Variants in CRIM1 observed in about 807,000 individuals in gnomAD.
CRIM1 encodes cysteine rich transmembrane BMP regulator 1, also known as cysteine-rich motor neuron 1 protein.
In CRIM1, 32 loss-of-function variants were observed where a neutral mutation model predicts 116.4. That is an observed-to-expected ratio of 0.27 (90% CI 0.21 to 0.37). The LOEUF (loss-of-function observed/expected upper bound fraction) is 0.37, where lower values mean the gene tolerates loss of function less well. CRIM1 is among the 10% of genes least tolerant of loss of function. CRIM1 has a pLI of 1.00. For missense variants in CRIM1, 1,331 were observed against 1,354.8 expected, an observed-to-expected ratio of 0.98 and a Z score of 0.28; for synonymous variants, 590 against 509.2, an observed-to-expected ratio of 1.16 and a Z score of -2.13.
At position 36,356,663 on chromosome 2, in the gene CRIM1, C is replaced by T; in HGVS notation, c.331+40C>T. On this transcript the variant is annotated intron_variant, in intron 1 of 16. Coordinates refer to ENST00000280527, the MANE Select transcript of CRIM1 (RefSeq NM_016441.3). This position sits in a 1 kb window ranked among gnomAD's most constrained non-coding sequence, Gnocchi z 4.3. ...TGCGGGCCCCCTCCCACCTGGCCTG[C>T]GCCGCCCCCTCGGCGCTGGTTGTGC... 2.6e-6 allele frequency: 4 copies of T among 1,560,978 alleles called. No homozygotes were observed. Among genetic ancestry groups the T allele is most frequent in the African/African-American group, 2.7e-5 (2 of 73,850 alleles).
intron 2 of CRIM1, among the ~76,000 whole-genome samples, chr2:36,405,768 A>G (rs1369519376): frequency 6.6e-6 from 1 of 152,184 alleles, no homozygotes; most frequent in Non-Finnish European, 1.5e-5. Context: ...AGCATATCTT[A>G]TACATTGCTT....
intron 1 of CRIM1, among the ~76,000 whole-genome samples, chr2:36,381,117 A>ACC (rs757442663): frequency 3.6e-4 from 54 of 148,278 alleles, no homozygotes; most frequent in Non-Finnish European, 5.7e-4. Context: ...CCCCGCCCCT[A>ACC]CCCCCCACAC....
intron 7 of CRIM1, among the ~76,000 whole-genome samples, chr2:36,497,954 C>T (rs942546569): frequency 7.9e-5 from 12 of 152,128 alleles, no homozygotes; most frequent in African/African-American, 2.9e-4. Flanking sequence ...GGTTGGGAAC[C>T]TCTGTTCTGT....
chr2:36,516,064 T>C (rs187609826), intron 11 of CRIM1, among the ~76,000 whole-genome samples: 1 of 152,352 alleles, frequency 6.6e-6, no homozygotes, highest in East Asian at 1.9e-4. Context: ...TGTGATACTG[T>C]CCCTGGGTCT....
Position 36,509,945 on chromosome 2 carries a change from A to G in CRIM1, c.1502-38A>G, listed in dbSNP as rs767921061. ...AGCATCGAAGTGTTCTGCTCTGTTC[A>G]TCTTTGGAAGAAACATGCCGTCTCT... On this transcript the variant is annotated intron_variant, in intron 8 of 16. Coordinates refer to ENST00000280527, the MANE Select transcript of CRIM1 (RefSeq NM_016441.3). 5.6e-6 allele frequency: 9 copies of G among 1,600,482 alleles called. No homozygotes were observed. The East Asian group carries it at 1.3e-4, about 24-fold the overall frequency.
At chr2:36,457,874 T>C (rs1677268072) in intron 4 of CRIM1, among the ~76,000 whole-genome samples, 1 of 152,224 alleles carries the variant, frequency 6.6e-6, no homozygotes, top group African/African-American at 2.4e-5. Flanking sequence ...CTGTGTTTTA[T>C]ATGTCATTAT....
chr2:36,497,196 T>C (rs1017596403), intron 7 of CRIM1, among the ~76,000 whole-genome samples: 2 of 152,192 alleles, frequency 1.3e-5, no homozygotes, highest in African/African-American at 4.8e-5. Context: ...TTAAGACATT[T>C]CTTTACCCAT....
At chr2:36,506,157 A>ACTCTCTCTCTCTCT (rs1191448142) in intron 8 of CRIM1, among the ~76,000 whole-genome samples, 2 of 125,202 alleles carry the variant, frequency 1.6e-5, no homozygotes, top group African/African-American at 6.5e-5. Flanking sequence ...ACACACACAC[A>ACTCTCTCTCTCTCT]CTCTCTCTCT....
chr2:36,481,540 T>C (rs1679418029), intron 7 of CRIM1, among the ~76,000 whole-genome samples: 1 of 152,180 alleles, frequency 6.6e-6, no homozygotes, highest in Non-Finnish European at 1.5e-5. Flanking sequence ...TTGAAGAGCC[T>C]ATTTAGGCTG....
intron 5 of CRIM1, among the ~76,000 whole-genome samples, chr2:36,470,458 C>A (rs1303826751): frequency 2.0e-5 from 3 of 152,174 alleles, no homozygotes; most frequent in Non-Finnish European, 4.4e-5. Context: ...TAGGCTGATT[C>A]TTATTAGGGG....
At chr2:36,540,656 G>A (rs983484184) in intron 14 of CRIM1, among the ~76,000 whole-genome samples, 9 of 150,578 alleles carry the variant, frequency 6.0e-5, no homozygotes, top group Admixed American at 4.0e-4. Context: ...TCTTTATAGG[G>A]AATGGGGAGG....
chr2:36,467,975 G>C (rs182333285), intron 5 of CRIM1, among the ~76,000 whole-genome samples: 1 of 152,178 alleles, frequency 6.6e-6, no homozygotes, highest in Non-Finnish European at 1.5e-5. Flanking sequence ...GGTTTCCTGG[G>C]ATTGTTCTCA....
At chr2:36,444,127 A>G (rs1309966608) in intron 4 of CRIM1, among the ~76,000 whole-genome samples, 1 of 152,188 alleles carries the variant, frequency 6.6e-6, no homozygotes, top group East Asian at 1.9e-4. Flanking sequence ...TAATTAATCA[A>G]AACTAAGCCG....
chr2:36,374,762 T>C (rs956633054), intron 1 of CRIM1, among the ~76,000 whole-genome samples: 10 of 152,198 alleles, frequency 6.6e-5, no homozygotes, highest in Non-Finnish European at 1.3e-4. Context: ...TCCAAACAGA[T>C]AGCTGTGATT....
At chr2:36,404,563 A>G (rs925498774) in intron 2 of CRIM1, among the ~76,000 whole-genome samples, 1 of 152,214 alleles carries the variant, frequency 6.6e-6, no homozygotes, top group African/African-American at 2.4e-5. Flanking sequence ...AAAAGAATGT[A>G]TTGAGCACAT....
In CRIM1 at chr2:36,402,243, C is replaced by T. The variant is rs193012506; in HGVS notation, c.505+5456C>T. Among the ~76,000 whole-genome samples, 3 of 152,242 alleles carry T rather than the reference C, an allele frequency of 2.0e-5. No individual in the cohort carries two copies. In the East Asian group the frequency reaches 5.8e-4, roughly 29 times the overall value. On this transcript the variant is annotated intron_variant, in intron 2 of 16. Coordinates refer to ENST00000280527, the MANE Select transcript of CRIM1 (RefSeq NM_016441.3). ...TGATAGAGAATTACTTGGAAAATTG[C>T]TGTATTCAGGGACCTCAGGGACATA... is the stretch of plus-strand genomic sequence containing the variant.
intron 7 of CRIM1, among the ~76,000 whole-genome samples, chr2:36,495,024 CCTA>C (rs1680481694): frequency 6.6e-6 from 1 of 152,138 alleles, no homozygotes; most frequent in Non-Finnish European, 1.5e-5. Flanking sequence ...TTGAAAGAGG[CCTA>C]CTAACACATT....
chr2:36,406,633 C>CCA (rs1558548535), intron 2 of CRIM1, among the ~76,000 whole-genome samples: 1 of 118,218 alleles, frequency 8.5e-6, no homozygotes, highest in African/African-American at 3.6e-5. Context: ...CCCCCCCCCC[C>CCA]AAAAAAAAAC....
chr2:36,386,323 G>A (rs190503006), intron 1 of CRIM1, among the ~76,000 whole-genome samples: 2 of 152,240 alleles, frequency 1.3e-5, no homozygotes, highest in African/African-American at 4.8e-5. Context: ...TATCTAACAT[G>A]GTTGAGGCAT....
Sources: allele counts gnomAD v4.1 joint callset (sites outside exome capture counted in the v4.1 genomes callset), GRCh38; gene constraint gnomAD v4.1.1; non-coding constraint Gnocchi (gnomAD v3.1); transcripts MANE v1.5; gene names NCBI Gene and HGNC (gene_info 2026-07-23, HGNC 2026-07-21).